PEX5L: variants seen among roughly 807,000 people sequenced by gnomAD.
The protein encoded by PEX5L is PEX5-related protein.
A neutral mutation model predicts 84.0 loss-of-function variants in PEX5L; 30 were observed. The observed-to-expected ratio is 0.36, with a 90% confidence interval of 0.27 to 0.48. PEX5L has a LOEUF of 0.48. Ranked by LOEUF, PEX5L falls within the 20% of genes least tolerant of loss-of-function variation. PEX5L has a pLI of 0.99. For synonymous variants in PEX5L, 270 were observed against 283.1 expected, an observed-to-expected ratio of 0.95 and a Z score of 0.46; for missense variants, 533 against 754.6, an observed-to-expected ratio of 0.71 and a Z score of 3.44.
chr3:179,904,284 T>C (rs145995931), intron 2 of PEX5L, among the ~76,000 whole-genome samples: 2 of 152,348 alleles, frequency 1.3e-5, no homozygotes, highest in African/African-American at 4.8e-5. Context: ...CTTCTGGGAT[T>C]AATGAGGAGT....
intron 1 of PEX5L, among the ~76,000 whole-genome samples, chr3:180,023,775 G>C (rs748278155): frequency 1.4e-3 from 144 of 100,882 alleles, no homozygotes; most frequent in Admixed American, 1.8e-3. Flanking sequence ...CACACACAGA[G>C]AGAGAGAGAG....
chr3:179,859,035 GA>G (rs776449818), intron 8 of PEX5L, 26 bp downstream of exon 8: 6 of 1,510,656 alleles, frequency 4.0e-6, no homozygotes, highest in Non-Finnish European at 5.5e-6. Context: ...GCATGAAACA[GA>G]AAAAACTAAT....
intron 1 of PEX5L, among the ~76,000 whole-genome samples, chr3:179,995,752 TG>T (rs1227206709): frequency 4.6e-5 from 7 of 152,192 alleles, no homozygotes; most frequent in African/African-American, 1.7e-4. Flanking sequence ...GAGCTGAAAT[TG>T]TAAAAAAACA....
intron 5 of PEX5L, among the ~76,000 whole-genome samples, chr3:179,877,032 T>C (rs1752656707): frequency 6.6e-6 from 1 of 152,242 alleles, no homozygotes; most frequent in African/African-American, 2.4e-5. Flanking sequence ...TTTTAAATAA[T>C]CTTATGCATG....
chr3:179,915,008 T>C (rs937430319), intron 2 of PEX5L, among the ~76,000 whole-genome samples: 1 of 152,190 alleles, frequency 6.6e-6, no homozygotes, highest in African/African-American at 2.4e-5. Context: ...AAACACCTTC[T>C]ATAAGATGCA....
At chr3:179,950,091 C>T (rs4855125) in intron 2 of PEX5L, among the ~76,000 whole-genome samples, 14,517 of 152,174 alleles carry the variant, frequency 0.095, 840 homozygotes, top group Admixed American at 0.14. Flanking sequence ...CTGGCACTGC[C>T]ACCTGAATTT....
chr3:179,858,528 A>G (rs1567623), intron 8 of PEX5L, among the ~76,000 whole-genome samples: 75,780 of 151,910 alleles, frequency 0.5, 19,324 homozygotes, highest in East Asian at 0.74. Flanking sequence ...AATTATCAAC[A>G]ATTTTTGGAC....
chr3:179,997,533 T>C (rs1416272800), intron 1 of PEX5L, among the ~76,000 whole-genome samples: 1 of 151,958 alleles, frequency 6.6e-6, no homozygotes, highest in Non-Finnish European at 1.5e-5. Flanking sequence ...AAATAGCAAA[T>C]CAAAAACAAT....
At chr3:179,892,413 T>C (rs1757893241) in intron 3 of PEX5L, among the ~76,000 whole-genome samples, 1 of 152,176 alleles carries the variant, frequency 6.6e-6, no homozygotes, top group Admixed American at 6.6e-5. Context: ...CTCTTAGTTT[T>C]ATCTGTCCCT....
chr3:179,985,542 T>G (rs2110346571), intron 1 of PEX5L, among the ~76,000 whole-genome samples: 1 of 152,126 alleles, frequency 6.6e-6, no homozygotes, highest in African/African-American at 2.4e-5. Context: ...AAACCAGCTT[T>G]GAGTAGCTGC....
chr3:179,958,044 A>C (rs1421165042), intron 2 of PEX5L, among the ~76,000 whole-genome samples: 1 of 152,140 alleles, frequency 6.6e-6, no homozygotes, highest in Non-Finnish European at 1.5e-5. Flanking sequence ...ATACACACAC[A>C]CATGCACACA....
intron 1 of PEX5L, among the ~76,000 whole-genome samples, chr3:179,994,506 T>C (rs1374161719): frequency 6.6e-6 from 1 of 152,036 alleles, no homozygotes; most frequent in Non-Finnish European, 1.5e-5. Flanking sequence ...ACACCCCTTA[T>C]CCCAGAGTAA....
At chr3:179,985,748 C>T (rs1173264764) in intron 1 of PEX5L, among the ~76,000 whole-genome samples, 1 of 152,016 alleles carries the variant, frequency 6.6e-6, no homozygotes, top group Non-Finnish European at 1.5e-5. Flanking sequence ...GAATAATGTG[C>T]CATTTGAATG....
At chr3:179,840,162 TGTGTG>T (rs1736548795) in intron 8 of PEX5L, among the ~76,000 whole-genome samples, 1 of 105,712 alleles carries the variant, frequency 9.5e-6, no homozygotes, top group African/African-American at 4.0e-5. Context: ...AGTTGTTTTT[TGTGTG>T]TGTGTGTGTG....
At chr3:180,013,820 TATTATG>T (rs1789694070) in intron 1 of PEX5L, among the ~76,000 whole-genome samples, 1 of 152,222 alleles carries the variant, frequency 6.6e-6, no homozygotes, top group Non-Finnish European at 1.5e-5. Context: ...ATAATGATTG[TATTATG>T]ACTGATTTTT....
intron 8 of PEX5L, among the ~76,000 whole-genome samples, chr3:179,846,512 A>C (rs1370794214): frequency 6.6e-6 from 1 of 152,164 alleles, no homozygotes; most frequent in Non-Finnish European, 1.5e-5. Flanking sequence ...GTGATGGTTA[A>C]CTTTATGTGT....
chr3:180,036,473 T>C, intron 1 of PEX5L, 106 bp downstream of exon 1: 1 of 1,046,432 alleles, frequency 9.6e-7, no homozygotes, highest in Admixed American at 1.7e-5. Context: ...ATCACTTCAC[T>C]TGTTGAGCTG....
intron 10 of PEX5L, 30 bp from the exon 11 acceptor site, chr3:179,811,901 A>G (rs762342181): frequency 2.2e-5 from 35 of 1,562,490 alleles, no homozygotes; most frequent in Non-Finnish European, 1.8e-6. Flanking sequence ...TTAACATTGC[A>G]AGATGAAGCA....
chr3:179,853,392 G>T (rs1181495703), intron 8 of PEX5L, among the ~76,000 whole-genome samples: 1 of 152,184 alleles, frequency 6.6e-6, no homozygotes, highest in Non-Finnish European at 1.5e-5. Flanking sequence ...GATGAAGGAG[G>T]TATTTTTGGC....
Sources: gnomAD v4.1 joint callset for allele counts (sites outside exome capture counted in the v4.1 genomes callset) on GRCh38, gnomAD v4.1.1 for gene constraint, MANE v1.5 for transcripts, NCBI Gene and HGNC (gene_info 2026-07-23, HGNC 2026-07-21) for gene names.